The following PIGK variants were observed in gnomAD, a reference collection of about 807,000 sequenced individuals.
The protein encoded by PIGK is phosphatidylinositol glycan anchor biosynthesis class K, also known as GPI-anchor transamidase.
A neutral mutation model predicts 50.6 loss-of-function variants in PIGK; 42 were observed. The ratio of observed to expected loss-of-function variants is 0.83; its 90% confidence interval spans 0.65 to 1.07. PIGK has a LOEUF of 1.07. Among genes scored for constraint, PIGK ranks in the 50% least tolerant of loss-of-function variants. The probability of loss-of-function intolerance (pLI) is 0.00; values close to 1 mark genes in which losing one functional copy is unlikely to be tolerated. For missense variants in PIGK, 448 were observed against 488.7 expected (o/e 0.92, Z 0.78); for synonymous variants, 151 against 156.0 (o/e 0.97, Z 0.24).
intron 10 of PIGK, among the ~76,000 whole-genome samples, chr1:77,111,700 AT>A (rs1384088107): frequency 6.6e-6 from 1 of 152,164 alleles, no homozygotes; most frequent in Non-Finnish European, 1.5e-5. Flanking sequence ...TGGCATATGT[AT>A]ACATATGTAA....
At chr1:77,180,363 A>G (rs753910998) in intron 3 of PIGK, among the ~76,000 whole-genome samples, 1 of 146,278 alleles carries the variant, frequency 6.8e-6, no homozygotes, top group African/African-American at 2.7e-5. Flanking sequence ...CACATTTTCA[A>G]AATCATGCAT....
Position 77,090,140 on chromosome 1 carries a change from C to G in PIGK, c.*2234G>C, listed in dbSNP as rs1653264164. 1 of 152,218 alleles carries G rather than the reference C, an allele frequency of 6.6e-6. No individual in the cohort carries two copies. Among genetic ancestry groups the G allele is most frequent in the Non-Finnish European group, 1.5e-5 (1 of 68,036 alleles). The allele number at this position is 152,218 out of a possible 1,614,324, so 9.4% of individuals were successfully genotyped here. On this transcript the variant is annotated 3_prime_UTR_variant, in exon 11 of 11. Coordinates refer to ENST00000370812, the MANE Select transcript of PIGK (RefSeq NM_005482.3). Reference sequence around the variant, plus strand: ...ATACTATCTCATCTGATTCTCACCACAACACTGTGAGAAAGGCAAAAACAA... The same window carrying G: ...ATACTATCTCATCTGATTCTCACCAGAACACTGTGAGAAAGGCAAAAACAA...
intron 10 of PIGK, among the ~76,000 whole-genome samples, chr1:77,118,677 T>C (rs1407672771): frequency 1.3e-5 from 2 of 152,232 alleles, no homozygotes; most frequent in African/African-American, 2.4e-5. Flanking sequence ...AAGAACATAG[T>C]ATCCCCCTCC....
At position 77,110,166 on chromosome 1, in the gene PIGK, G is replaced by A. The variant is rs183588460; in HGVS notation, c.1071+12109C>T. Among the ~76,000 whole-genome samples the A allele has an allele frequency of 2.1e-3, 325 of 152,242 alleles. 3 individuals are homozygous for A. The highest frequency in any genetic ancestry group is 7.4e-3 in the African/African-American group (309 of 41,528). On this transcript the variant is annotated intron_variant, in intron 10 of 10. Coordinates refer to ENST00000370812, the MANE Select transcript of PIGK (RefSeq NM_005482.3). ...CTCATGGGTAGGAAGAATCAATATCGAGAAAATGGCCATACTGCCCAAGGT... is the reference window on the plus strand; with the variant it reads ...CTCATGGGTAGGAAGAATCAATATCAAGAAAATGGCCATACTGCCCAAGGT...
In PIGK at chr1:77,169,333, G is replaced by A; in HGVS notation, c.302C>T (p.Thr101Ile). Residue 101 changes from threonine (T) to isoleucine (I), a missense_variant, in exon 4 of 11, where the codon ACA becomes ATA. Physicochemically the swap from Thr to Ile is moderately conservative, Grantham distance 89. Coordinates refer to ENST00000370812, the MANE Select transcript of PIGK (RefSeq NM_005482.3). ...TTCCATATTCTTGTGACTAAACACT[G>A]TAGCTGGTTTGGGATTTCTAGGATT... ...ACNPRNPKPA[T>I]VFSHKNMELN... is the part of the protein sequence containing the mutation. 1 of 1,605,240 alleles carries A rather than the reference G, an allele frequency of 6.2e-7. No individual in the cohort carries two copies. The highest frequency in any genetic ancestry group is 8.5e-7 in the Non-Finnish European group (1 of 1,174,086).
rs775104980 is a variant in PIGK at position 77,210,389 on chromosome 1, T to A, written c.147+47A>T. On this transcript the variant is annotated intron_variant, in intron 2 of 10. Coordinates refer to ENST00000370812, the MANE Select transcript of PIGK (RefSeq NM_005482.3). ...ATTTGATTCACACAAATTTCTCAGA[T>A]ACATATCTAATGTGAACAGCAAGGT... The A allele has an allele frequency of 4.5e-6, 5 of 1,105,562 alleles. No individual in the cohort carries two copies. The East Asian group carries it at 1.1e-4, about 24-fold the overall frequency. The allele number at this position is 1,105,562 out of a possible 1,614,324, so 68.5% of individuals were successfully genotyped here.
intron 8 of PIGK, among the ~76,000 whole-genome samples, chr1:77,158,082 T>C (rs1038167211): frequency 2.0e-5 from 3 of 152,204 alleles, no homozygotes; most frequent in African/African-American, 7.2e-5. Context: ...AGTGGCGCAA[T>C]CTCAGCTCAC....
intron 8 of PIGK, among the ~76,000 whole-genome samples, chr1:77,159,010 T>A (rs1282994120): frequency 6.6e-6 from 1 of 152,144 alleles, no homozygotes; most frequent in African/African-American, 2.4e-5. Flanking sequence ...CCAGGGCATG[T>A]CAGAGACCTT....
intron 8 of PIGK, among the ~76,000 whole-genome samples, chr1:77,159,735 A>G (rs768787284): frequency 2.5e-4 from 38 of 152,126 alleles, no homozygotes; most frequent in Non-Finnish European, 4.1e-4. Flanking sequence ...GTTTTGGCCA[A>G]TTTCTCCCAA....
intron 1 of PIGK, among the ~76,000 whole-genome samples, chr1:77,217,067 A>C (rs1345091469): frequency 6.6e-6 from 1 of 152,224 alleles, no homozygotes; most frequent in Non-Finnish European, 1.5e-5. Context: ...AAAGAGGAGC[A>C]TGCAAACACA....
At chr1:77,211,301 C>G (rs1019972564) in intron 1 of PIGK, among the ~76,000 whole-genome samples, 8 of 151,630 alleles carry the variant, frequency 5.3e-5, no homozygotes, top group African/African-American at 1.9e-4. Flanking sequence ...TGCCTTTACT[C>G]TCGGTGAACA....
chr1:77,184,679 A>T (rs925636459), intron 3 of PIGK, among the ~76,000 whole-genome samples: 3 of 152,162 alleles, frequency 2.0e-5, no homozygotes, highest in African/African-American at 7.2e-5. Flanking sequence ...CAGTGTGTCC[A>T]GTGGATCCCC....
At chr1:77,183,818 T>G (rs894439472) in intron 3 of PIGK, among the ~76,000 whole-genome samples, 23 of 152,108 alleles carry the variant, frequency 1.5e-4, no homozygotes, top group Non-Finnish European at 2.1e-4. Flanking sequence ...CTTGGTTTAA[T>G]GTAGAGAAAG....
At chr1:77,109,412 T>G (rs894781807) in intron 10 of PIGK, among the ~76,000 whole-genome samples, 1 of 152,172 alleles carries the variant, frequency 6.6e-6, no homozygotes, top group Admixed American at 6.5e-5. Flanking sequence ...TTATCCACCA[T>G]GATCAAGTGG....
intron 3 of PIGK, among the ~76,000 whole-genome samples, chr1:77,196,583 C>G (rs1321391691): frequency 6.6e-6 from 1 of 151,846 alleles, no homozygotes; most frequent in Non-Finnish European, 1.5e-5. Flanking sequence ...TGTTGAGCAC[C>G]TTTTCATGTT....
At chr1:77,168,300 C>T (rs1375489481) in intron 4 of PIGK, among the ~76,000 whole-genome samples, 1 of 152,084 alleles carries the variant, frequency 6.6e-6, no homozygotes, top group African/African-American at 2.4e-5. Flanking sequence ...TTTTCTTGTT[C>T]AACTATTTCC....
At chr1:77,118,691 A>G (rs1654031566) in intron 10 of PIGK, among the ~76,000 whole-genome samples, 1 of 152,186 alleles carries the variant, frequency 6.6e-6, no homozygotes, top group East Asian at 1.9e-4. Flanking sequence ...CCCCTCCAGT[A>G]GTTAATCAAC....
intron 9 of PIGK, among the ~76,000 whole-genome samples, chr1:77,144,793 A>AT (rs1279574253): frequency 2.6e-5 from 4 of 151,960 alleles, no homozygotes; most frequent in Non-Finnish European, 4.4e-5. Flanking sequence ...CAAAATGAGT[A>AT]ATTTAATTAT....
At chr1:77,118,777 C>T (rs1006130643) in intron 10 of PIGK, among the ~76,000 whole-genome samples, 7 of 152,068 alleles carry the variant, frequency 4.6e-5, no homozygotes, top group African/African-American at 1.4e-4. Context: ...TTTATATAAA[C>T]CATATACGTA....
Sources: allele counts gnomAD v4.1 joint callset (sites outside exome capture counted in the v4.1 genomes callset), GRCh38; gene constraint gnomAD v4.1.1; transcripts MANE v1.5; gene names NCBI Gene and HGNC (gene_info 2026-07-23, HGNC 2026-07-21).